Variants in NUP210L observed in about 807,000 individuals in gnomAD.
NUP210L encodes the protein nucleoporin 210 like.
In NUP210L, 74 loss-of-function variants were observed where a neutral mutation model predicts 208.5. The ratio of observed to expected loss-of-function variants is 0.35; its 90% CI spans 0.29 to 0.43. The LOEUF (loss-of-function observed/expected upper bound fraction) is 0.43, where lower values mean the gene tolerates loss of function less well. NUP210L is among the 20% of genes least tolerant of loss of function. NUP210L has a pLI of 1.00. For missense variants in NUP210L, 1,843 were observed against 2,289.4 expected (o/e 0.81, Z 3.98); for synonymous variants, 780 against 816.9 (o/e 0.95, Z 0.77).
intron 1 of NUP210L, 34 bp from the exon 2 acceptor site, chr1:154,152,906 G>C (rs1659473190): frequency 1.9e-6 from 3 of 1,604,742 alleles, no homozygotes; most frequent in Non-Finnish European, 2.6e-6. Context: ...GTGTGAAATA[G>C]GTGGGTTAAA....
chr1:154,055,354 G>A lies in NUP210L; in HGVS notation c.3241-522C>T, dbSNP rs188577494. On this transcript the variant is annotated intron_variant, in intron 23 of 39. Coordinates refer to ENST00000368559, the Ensembl canonical transcript of NUP210L. ...CAACCTCCGCCTCCCAGGTTCAAGC[G>A]ATTCTCCTGCCTCAGCCTCCCAAGT... Among the ~76,000 whole-genome samples, 344 of 151,866 alleles carry A rather than the reference G, an allele frequency of 2.3e-3. 2 individuals are homozygous for A. Among genetic ancestry groups the A allele is most frequent in the African/African-American group, 5.6e-3 (231 of 41,438 alleles).
intron 23 of NUP210L, among the ~76,000 whole-genome samples, chr1:154,056,448 T>TGTCTCAAGG (rs1293937603): frequency 6.6e-6 from 1 of 152,186 alleles, no homozygotes; most frequent in Non-Finnish European, 1.5e-5. Context: ...AGGGTCTCTC[T>TGTCTCAAGG]CTGTCACTCA....
Position 154,138,097 on chromosome 1 carries a change from T to A in NUP210L, c.850+9A>T, listed in dbSNP as rs780604787. ...TGTGAGTCATAGGAGAAAAAATAAA[T>A]CACCTTACCTGTCACTCTCCCTTGA... On this transcript the variant is annotated intron_variant, in intron 6 of 39. Transcript: ENST00000368559. 6 of 1,465,984 alleles carry A rather than the reference T, an allele frequency of 4.1e-6. No individual in the cohort carries two copies. The highest frequency in any genetic ancestry group is 5.4e-6 in the Non-Finnish European group (6 of 1,112,026). The allele number at this position is 1,465,984 out of a possible 1,614,324, so 90.8% of individuals were successfully genotyped here. A position where few individuals can be genotyped will look rare whatever the true frequency, so the allele number is the denominator to read the frequency against.
intron 25 of NUP210L, among the ~76,000 whole-genome samples, chr1:154,048,752 C>A (rs533686387): frequency 0.024 from 3,636 of 152,194 alleles, 155 homozygotes; most frequent in African/African-American, 0.083. Flanking sequence ...GGACCCTTGC[C>A]AGCGGGGATG....
chr1:154,052,771 T>A (rs986153149), intron 25 of NUP210L, among the ~76,000 whole-genome samples: 5 of 152,136 alleles, frequency 3.3e-5, no homozygotes, highest in Admixed American at 2.0e-4. Flanking sequence ...AAATAATGAA[T>A]GTACTTGTTT....
rs78822155 is a variant in NUP210L at position 154,131,841 on chromosome 1, G to A, written c.1010-2496C>T. On this transcript the variant is annotated intron_variant, in intron 7 of 39. Coordinates refer to ENST00000368559, the Ensembl canonical transcript of NUP210L. ...TTTAGTTGAGACTCAGTTTCACTCC[G>A]TCGCCCAGGCTGGGGTGCAGTGGTG... Among the ~76,000 whole-genome samples the A allele has an allele frequency of 5.5e-3, 831 of 151,508 alleles. 10 individuals are homozygous for A. The highest frequency in any genetic ancestry group is 0.019 in the African/African-American group (793 of 41,286).
At chr1:154,036,052 A>C (rs1377710454) in intron 27 of NUP210L, among the ~76,000 whole-genome samples, 1 of 150,594 alleles carries the variant, frequency 6.6e-6, no homozygotes, top group Non-Finnish European at 1.5e-5. Flanking sequence ...TTTTCTTAGT[A>C]CTGCTTTCAC....
intron 25 of NUP210L, among the ~76,000 whole-genome samples, chr1:154,049,171 C>A (rs1337965025): frequency 6.6e-6 from 1 of 152,136 alleles, no homozygotes; most frequent in Non-Finnish European, 1.5e-5. Flanking sequence ...GTTGGTAAAG[C>A]CCCTGAAGTA....
intron 37 of NUP210L, among the ~76,000 whole-genome samples, chr1:153,999,693 C>T (rs1193549933): frequency 1.6e-5 from 2 of 121,942 alleles, no homozygotes; most frequent in African/African-American, 6.5e-5. Flanking sequence ...GCCGAGATCA[C>T]GACATTGCAC....
At chr1:154,075,692 A>C (rs935348634) in intron 16 of NUP210L, among the ~76,000 whole-genome samples, 1 of 152,192 alleles carries the variant, frequency 6.6e-6, no homozygotes, top group East Asian at 1.9e-4. Context: ...TAGAAATGTA[A>C]AGAAATAAGT....
At chr1:154,122,229 ATG>A (rs10573016) in intron 10 of NUP210L, among the ~76,000 whole-genome samples, 132,124 of 152,072 alleles carry the variant, frequency 0.87, 57,655 homozygotes, top group Admixed American at 0.91. Context: ...ACCAAATAAC[ATG>A]TGAATGGCTG....
intron 7 of NUP210L, among the ~76,000 whole-genome samples, chr1:154,133,647 G>A (rs1658369156): frequency 1.3e-5 from 2 of 151,836 alleles, no homozygotes; most frequent in South Asian, 4.2e-4. Context: ...CAAGAGCAGT[G>A]TGGGCAACAT....
At chr1:154,059,852 T>C (rs1226117483) in intron 20 of NUP210L, among the ~76,000 whole-genome samples, 4 of 152,340 alleles carry the variant, frequency 2.6e-5, no homozygotes, top group Non-Finnish European at 5.9e-5. Flanking sequence ...TTATTTTTAT[T>C]ACTATAAATC....
At chr1:154,111,051 TAA>T (rs746281644) in intron 12 of NUP210L, among the ~76,000 whole-genome samples, 37 of 124,790 alleles carry the variant, frequency 3.0e-4, no homozygotes, top group Non-Finnish European at 3.3e-4. Context: ...TTAGCCAGAC[TAA>T]AAAAAAAAAA....
intron 37 of NUP210L, among the ~76,000 whole-genome samples, chr1:153,997,418 A>G (rs989037775): frequency 1.9e-4 from 28 of 150,452 alleles, no homozygotes; most frequent in African/African-American, 6.3e-4. Context: ...TGGGATTACA[A>G]GCGTGAGCTA....
At chr1:154,147,112 G>C (rs1470698184) in intron 2 of NUP210L, among the ~76,000 whole-genome samples, 1 of 152,146 alleles carries the variant, frequency 6.6e-6, no homozygotes, top group Non-Finnish European at 1.5e-5. Flanking sequence ...TATACAAAGG[G>C]GAAAATGGTA....
chr1:154,123,050 CAAA>C (rs112543992), intron 10 of NUP210L, among the ~76,000 whole-genome samples: 11 of 83,704 alleles, frequency 1.3e-4, no homozygotes, highest in Admixed American at 2.0e-4. Flanking sequence ...GACCCTGTCT[CAAA>C]AAAAAAAAAA....
At chr1:154,143,390 T>G in intron 3 of NUP210L, 56 bp downstream of exon 3, 1 of 1,543,592 alleles carries the variant, frequency 6.5e-7, no homozygotes. Context: ...GTGCTAAACA[T>G]AAACAGATAT....
chr1:153,999,212 T>A (rs1650065477), intron 37 of NUP210L, among the ~76,000 whole-genome samples: 1 of 152,102 alleles, frequency 6.6e-6, no homozygotes, highest in South Asian at 2.1e-4. Flanking sequence ...TAGCTTCCCT[T>A]GAGGGGTGGG....
Sources: allele counts gnomAD v4.1 joint callset (sites outside exome capture counted in the v4.1 genomes callset), GRCh38; gene constraint gnomAD v4.1.1; transcripts MANE v1.5; gene names NCBI Gene and HGNC (gene_info 2026-07-23, HGNC 2026-07-21).